Variants in GNG5 observed in about 807,000 individuals in gnomAD.
The protein encoded by GNG5 is G protein subunit gamma 5.
GNG5 carries 2 observed loss-of-function variants against 6.2 expected under a neutral mutation model. That is an observed-to-expected ratio of 0.32 (90% CI 0.13 to 1.01). The LOEUF (loss-of-function observed/expected upper bound fraction) is 1.01, where lower values mean the gene tolerates loss of function less well. GNG5 is among the 50% of genes least tolerant of loss of function. The pLI is 0.48. For synonymous variants in GNG5, 24 were observed against 33.0 expected (o/e 0.73, Z 0.93); for missense variants, 57 against 80.2 (o/e 0.71, Z 1.10).
rs758991414 is a variant in GNG5 at position 84,506,132 on chromosome 1, C to G, written c.-41G>C. The G allele has an allele frequency of 3.9e-6, 6 of 1,528,810 alleles. No homozygotes were observed. Among genetic ancestry groups the G allele is most frequent in the Non-Finnish European group, 5.3e-6 (6 of 1,129,376 alleles). The allele number at this position is 1,528,810 out of a possible 1,614,324, so 94.7% of individuals were successfully genotyped here. A position where few individuals can be genotyped will look rare whatever the true frequency, so the allele number is the denominator to read the frequency against. On this transcript the variant is annotated 5_prime_UTR_variant, in exon 2 of 4. Transcript: ENST00000370645. Reference sequence around the variant, plus strand: ...CGGGCCGATTCGTGGGTCGGTGGGTCGTGGGCCGTGGGTCGGCGGGGCCAG... The same window carrying G: ...CGGGCCGATTCGTGGGTCGGTGGGTGGTGGGCCGTGGGTCGGCGGGGCCAG...
chr1:84,502,132 CTTTTTTTTTTT>C (rs140132840), intron 2 of GNG5, among the ~76,000 whole-genome samples, 162 bp from the exon 3 acceptor site: 4 of 102,086 alleles, frequency 3.9e-5, no homozygotes, highest in African/African-American at 8.5e-5. Flanking sequence ...ATAGTGAGCT[CTTTTTTTTTTT>C]TTTTTTTTTT....
chr1:84,499,792 C>G (rs1682018076), intron 3 of GNG5, among the ~76,000 whole-genome samples: 1 of 151,962 alleles, frequency 6.6e-6, no homozygotes, highest in African/African-American at 2.4e-5. Flanking sequence ...AAGCTGGAAT[C>G]TCAAAAAAAA....
chr1:84,499,612 GTATT>G (rs1327514093), intron 3 of GNG5, among the ~76,000 whole-genome samples: 1 of 152,118 alleles, frequency 6.6e-6, no homozygotes, highest in African/African-American at 2.4e-5. Flanking sequence ...TTTACAAAGA[GTATT>G]TAATGAAATA....
chr1:84,505,880 C>T, intron 2 of GNG5, 131 bp downstream of exon 2: 1 of 580,524 alleles, frequency 1.7e-6, no homozygotes, highest in Non-Finnish European at 2.6e-6. Context: ...CCGATCGCCG[C>T]CGCTGAGCGC....
intron 2 of GNG5, 25 bp downstream of exon 2, chr1:84,505,986 G>T: frequency 7.0e-7 from 1 of 1,430,422 alleles, no homozygotes; most frequent in Non-Finnish European, 9.3e-7. Flanking sequence ...CCTTCCTCCC[G>T]CCTCGGCCGC....
chr1:84,503,076 A>C (rs1558552785), intron 2 of GNG5, among the ~76,000 whole-genome samples: 1 of 152,248 alleles, frequency 6.6e-6, no homozygotes, highest in Non-Finnish European at 1.5e-5. Flanking sequence ...GCAGCCTTTC[A>C]GTCACGTGAC....
intron 2 of GNG5, among the ~76,000 whole-genome samples, chr1:84,504,292 G>A (rs541522231): frequency 3.9e-5 from 6 of 152,154 alleles, no homozygotes; most frequent in Non-Finnish European, 8.8e-5. Flanking sequence ...AAGTACAAAA[G>A]GGGATGCTCC....
At position 84,506,013 on chromosome 1, in the gene GNG5, T is replaced by C. The variant is rs1682201845; in HGVS notation, c.79A>G (p.Lys27Glu). Residue 27 changes from lysine (K) to glutamate (E), a missense_variant and splice_region_variant, in exon 2 of 4, where the codon AAA (lysine) becomes GAA (glutamate). Transcript: ENST00000370645. ...LRLEAGLNRV[K>E]VSQAAADLKQ... is the part of the protein sequence containing the mutation. ...CTCGGCCGCCCGCCCCCGCTCACTTTTACGCGGTTGAGTCCGGCCTCCAGC... is the reference window on the plus strand; with the variant it reads ...CTCGGCCGCCCGCCCCCGCTCACTTCTACGCGGTTGAGTCCGGCCTCCAGC... 1 of 1,552,494 alleles carries C rather than the reference T, an allele frequency of 6.4e-7. No individual in the cohort carries two copies. The highest frequency in any genetic ancestry group is 8.7e-7 in the Non-Finnish European group (1 of 1,152,376).
chr1:84,506,127 T>TGGGTCGTGGGCCGTGGGTCGGC lies in GNG5; in HGVS notation c.-58_-37dup. On this transcript the variant is annotated 5_prime_UTR_variant, in exon 2 of 4. Transcript: ENST00000370645. ...ACGGCCGGGCCGATTCGTGGGTCGG[T>TGGGTCGTGGGCCGTGGGTCGGC]GGGTCGTGGGCCGTGGGTCGGCGGG... is the stretch of plus-strand genomic sequence containing the variant. The TGGGTCGTGGGCCGTGGGTCGGC allele has an allele frequency of 2.6e-6, 4 of 1,557,062 alleles. No homozygotes were observed. Among genetic ancestry groups the TGGGTCGTGGGCCGTGGGTCGGC allele is most frequent in the Admixed American group, 3.7e-5 (2 of 54,362 alleles).
At chr1:84,503,504 C>T (rs1682099480) in intron 2 of GNG5, 1 of 152,188 alleles carries the variant, frequency 6.6e-6, no homozygotes, top group African/African-American at 2.4e-5. Context: ...AGTATTTTTA[C>T]AAATGACTAC....
At chr1:84,501,995 A>C in intron 2 of GNG5, 25 bp from the exon 3 acceptor site, 2 of 1,588,726 alleles carry the variant, frequency 1.3e-6, no homozygotes, top group Non-Finnish European at 8.6e-7. Context: ...GAGGGGGGGA[A>C]GTGCCAGATG....
intron 2 of GNG5, among the ~76,000 whole-genome samples, chr1:84,505,634 A>C (rs1354930249): frequency 6.6e-6 from 1 of 152,228 alleles, no homozygotes; most frequent in Non-Finnish European, 1.5e-5. Context: ...GAGAAACAGG[A>C]GGCTGGCAAA....
chr1:84,499,878 G>A (rs1392639614), intron 3 of GNG5, among the ~76,000 whole-genome samples: 3 of 152,268 alleles, frequency 2.0e-5, no homozygotes, highest in East Asian at 3.9e-4. Flanking sequence ...CATTTTGGGA[G>A]GCTGAGGTGG....
At chr1:84,503,821 G>A (rs1232719991) in intron 2 of GNG5, 1 of 152,230 alleles carries the variant, frequency 6.6e-6, no homozygotes, top group Non-Finnish European at 1.5e-5. Context: ...GTGCTCTGTA[G>A]TAAAATGAAT....
At chr1:84,499,436 AT>A (rs1405464354) in intron 3 of GNG5, among the ~76,000 whole-genome samples, 2 of 152,252 alleles carry the variant, frequency 1.3e-5, no homozygotes, top group Non-Finnish European at 1.5e-5. Context: ...CGTTGTAAAA[AT>A]GTTAAACGTT....
intron 2 of GNG5, among the ~76,000 whole-genome samples, chr1:84,504,116 A>C (rs1682109595): frequency 6.6e-6 from 1 of 152,244 alleles, no homozygotes; most frequent in African/African-American, 2.4e-5. Flanking sequence ...CAGTTTGTCA[A>C]GCACTTATGG....
intron 3 of GNG5, among the ~76,000 whole-genome samples, chr1:84,501,176 ACTGT>A (rs1337185954): frequency 1.3e-5 from 2 of 152,154 alleles, no homozygotes; most frequent in Admixed American, 6.5e-5. Context: ...AATTCAGTCC[ACTGT>A]CTGTTTGCCA....
rs776391649 is a variant in GNG5, at chr1:84,506,120, G to A, written c.-29C>T. 1.3e-6 allele frequency: 2 copies of A among 1,563,036 alleles called. No individual in the cohort carries two copies. Among genetic ancestry groups the A allele is most frequent in the Non-Finnish European group, 1.7e-6 (2 of 1,154,384 alleles). On this transcript the variant is annotated 5_prime_UTR_variant, in exon 2 of 4. Coordinates refer to ENST00000370645, the MANE Select transcript of GNG5 (RefSeq NM_005274.3). ...GCACGCGACGGCCGGGCCGATTCGTGGGTCGGTGGGTCGTGGGCCGTGGGT... is the reference window on the plus strand; with the variant it reads ...GCACGCGACGGCCGGGCCGATTCGTAGGTCGGTGGGTCGTGGGCCGTGGGT...
At position 84,506,286 on chromosome 1, in the gene GNG5, G is replaced by A. The variant is rs13093; in HGVS notation, c.-195C>T. 4.7e-6 allele frequency: 2 copies of A among 428,158 alleles called. No individual in the cohort carries two copies. Among genetic ancestry groups the A allele is most frequent in the East Asian group, 3.8e-5 (1 of 26,018 alleles). The allele number at this position is 428,158 out of a possible 1,614,324, so 26.5% of individuals were successfully genotyped here. ...AGCCCTCTGTTCCAGCTCCACACCC[G>A]GCCCCGAGCGCGAGCCTGGAGGAGG... On this transcript the variant is annotated 5_prime_UTR_variant, in exon 2 of 4. Transcript: ENST00000370645.
Sources: gnomAD v4.1 joint callset for allele counts (sites outside exome capture counted in the v4.1 genomes callset) on GRCh38, gnomAD v4.1.1 for gene constraint, MANE v1.5 for transcripts, NCBI Gene and HGNC (gene_info 2026-07-23, HGNC 2026-07-21) for gene names.